Variants in GDA observed in about 807,000 individuals in gnomAD.
GDA encodes cytoplasmic PSD-95 interactor.
Under a neutral mutation model 59.6 loss-of-function variants are expected in GDA, and 18 were observed. The ratio of observed to expected loss-of-function variants is 0.30; its 90% confidence interval spans 0.21 to 0.45. The LOEUF (loss-of-function observed/expected upper bound fraction) is 0.45. GDA is among the 20% of genes least tolerant of loss of function. The probability of loss-of-function intolerance (pLI) is 1.00; values close to 1 mark genes in which losing one functional copy is unlikely to be tolerated. For synonymous variants in GDA, 201 were observed against 201.1 expected, an observed-to-expected ratio of 1.00 and a Z score of 0.00; for missense variants, 427 against 552.3, an observed-to-expected ratio of 0.77 and a Z score of 2.27.
At chr9:72,150,792 A>T (rs192399197) in intron 1 of GDA, among the ~76,000 whole-genome samples, 1 of 152,202 alleles carries the variant, frequency 6.6e-6, no homozygotes, top group East Asian at 1.9e-4. Context: ...TACTCTTTCT[A>T]TGCACGTTCA....
At chr9:72,172,641 A>G (rs1830092337) in intron 1 of GDA, among the ~76,000 whole-genome samples, 1 of 152,188 alleles carries the variant, frequency 6.6e-6, no homozygotes, top group Admixed American at 6.5e-5. Context: ...CCCCTACACC[A>G]TACCTGGATG....
At chr9:72,244,635 G>A (rs1490919986) in intron 11 of GDA, among the ~76,000 whole-genome samples, 3 of 152,110 alleles carry the variant, frequency 2.0e-5, no homozygotes, top group Admixed American at 6.5e-5. Flanking sequence ...GGATATGCCT[G>A]CATTGACAAA....
Position 72,149,525 on chromosome 9 carries a change from C to A in GDA, c.-35C>A, listed in dbSNP as rs765243495. 3.1e-6 allele frequency: 5 copies of A among 1,605,136 alleles called. No homozygotes were observed. Among genetic ancestry groups the A allele is most frequent in the South Asian group, 1.1e-5 (1 of 90,740 alleles). On this transcript the variant is annotated 5_prime_UTR_variant, in exon 1 of 14. Transcript: ENST00000358399. ...GCGTCTCCGCCGCGTGCGCCCTCCT[C>A]GACCAGCAGACCCGCGCTGCGCTCC...
Position 72,223,123 on chromosome 9 carries a change from T to G in GDA, c.610T>G (p.Ser204Ala), listed in dbSNP as rs200718665. The part of the protein sequence containing the change: ...FVSEMLQKNY[S>A]RVKPIVTPRF... ...AATTGTTTTTAATTATCTCCAGTAT[T>G]CTAGAGTGAAGCCCATAGTGACACC... The change falls in exon 7 of 14, where the codon TCT becomes GCT. Residue 204 changes from serine to alanine, a missense_variant. Coordinates refer to ENST00000358399, the MANE Select transcript of GDA (RefSeq NM_004293.5). 54 of 1,527,036 alleles carry G rather than the reference T, an allele frequency of 3.5e-5. No individual in the cohort carries two copies. The highest frequency in any genetic ancestry group is 9.1e-6 in the Non-Finnish European group (10 of 1,101,404). 94.6% of individuals were successfully genotyped at this position (1,527,036 alleles called of 1,614,324 possible). A position where few individuals can be genotyped will look rare whatever the true frequency, so the allele number is the denominator to read the frequency against.
At chr9:72,247,807 A>G (rs1437790067) in intron 13 of GDA, among the ~76,000 whole-genome samples, 1 of 152,198 alleles carries the variant, frequency 6.6e-6, no homozygotes, top group African/African-American at 2.4e-5. Context: ...CTCACATTCA[A>G]TTCCATTCAC....
chr9:72,200,701 A>G (rs938736589), intron 2 of GDA, among the ~76,000 whole-genome samples: 1 of 152,238 alleles, frequency 6.6e-6, no homozygotes, highest in African/African-American at 2.4e-5. Flanking sequence ...CTGACATTGT[A>G]GAGAGATCAG....
chr9:72,134,667 G>T (rs1028593680), intron 1 of GDA, among the ~76,000 whole-genome samples: 1 of 152,126 alleles, frequency 6.6e-6, no homozygotes, highest in African/African-American at 2.4e-5. Context: ...GCCTCCCAAA[G>T]TGCTGGGATT....
intron 1 of GDA, among the ~76,000 whole-genome samples, chr9:72,166,151 A>G (rs1829285533): frequency 6.6e-6 from 1 of 152,232 alleles, no homozygotes; most frequent in African/African-American, 2.4e-5. Flanking sequence ...AGTGGGAATG[A>G]GAAAAATAAG....
rs757865964 is a variant in GDA at position 72,225,019 on chromosome 9, C to T, written c.715-658C>T. On this transcript the variant is annotated intron_variant, in intron 7 of 13. Transcript: ENST00000358399. ...CAGTATGGCCAGTCACGGTGGCTCA[C>T]GCCTGTAATCCCAGCACTTTGAGAG... Among the ~76,000 whole-genome samples, 9 of 152,134 alleles carry T rather than the reference C, an allele frequency of 5.9e-5. 1 individual carries two copies. The highest frequency in any genetic ancestry group is 1.3e-4 in the Admixed American group (2 of 15,274).
At chr9:72,164,165 G>A (rs528822207) in intron 1 of GDA, among the ~76,000 whole-genome samples, 3 of 152,274 alleles carry the variant, frequency 2.0e-5, no homozygotes, top group African/African-American at 4.8e-5. Flanking sequence ...CTGAACGGGC[G>A]ATATAAAATG....
At chr9:72,183,313 A>G (rs141226492) in intron 1 of GDA, among the ~76,000 whole-genome samples, 18 of 152,212 alleles carry the variant, frequency 1.2e-4, no homozygotes, top group African/African-American at 4.3e-4. Context: ...AGCCTTGCCC[A>G]TTCCACCTGC....
At chr9:72,184,745 C>T (rs896467500) in intron 1 of GDA, among the ~76,000 whole-genome samples, 14 of 151,954 alleles carry the variant, frequency 9.2e-5, no homozygotes, top group Admixed American at 3.3e-4. Context: ...CAGTCCCTGA[C>T]GTTAAAGAAA....
chr9:72,144,888 C>CT (rs771762983), upstream of GDA, among the ~76,000 whole-genome samples: 395 of 141,790 alleles, frequency 2.8e-3, 1 homozygote, highest in African/African-American at 6.4e-3. Flanking sequence ...TTTGGTGTAT[C>CT]TTTTTTTTTT....
At chr9:72,181,245 A>G (rs76421935) in intron 1 of GDA, among the ~76,000 whole-genome samples, 4,829 of 152,230 alleles carry the variant, frequency 0.032, 277 homozygotes, top group African/African-American at 0.11. Flanking sequence ...TTATCTTTGA[A>G]GCTCTATGTG....
intron 1 of GDA, among the ~76,000 whole-genome samples, chr9:72,173,896 A>G (rs1830263756): frequency 1.3e-5 from 2 of 152,048 alleles, no homozygotes; most frequent in African/African-American, 4.8e-5. Flanking sequence ...TCCTCAAAAT[A>G]CCACCCATGG....
intron 1 of GDA, among the ~76,000 whole-genome samples, chr9:72,162,811 C>T (rs1380007752): frequency 6.6e-6 from 1 of 152,098 alleles, no homozygotes; most frequent in African/African-American, 2.4e-5. Context: ...GCGCCCGCCA[C>T]CACAACCAGC....
At chr9:72,193,158 A>ATT (rs34139960) in intron 1 of GDA, among the ~76,000 whole-genome samples, 3 of 148,780 alleles carry the variant, frequency 2.0e-5, no homozygotes, top group Admixed American at 6.7e-5. Context: ...TGGTTAGGTC[A>ATT]TTTTTTTTTT....
chr9:72,116,045 C>G (rs1587281973), intron 1 of GDA, among the ~76,000 whole-genome samples: 1 of 152,116 alleles, frequency 6.6e-6, no homozygotes, highest in Non-Finnish European at 1.5e-5. Context: ...ACCAGCCTGA[C>G]CAACATGGAG....
At chr9:72,157,796 C>T (rs1397072891) in intron 1 of GDA, among the ~76,000 whole-genome samples, 1 of 152,166 alleles carries the variant, frequency 6.6e-6, no homozygotes, top group Admixed American at 6.6e-5. Context: ...CATTATTTGG[C>T]CCCAACCTGT....
Sources: gnomAD v4.1 joint callset for allele counts (sites outside exome capture counted in the v4.1 genomes callset) on GRCh38, gnomAD v4.1.1 for gene constraint, MANE v1.5 for transcripts, NCBI Gene and HGNC (gene_info 2026-07-23, HGNC 2026-07-21) for gene names.